Variants in CCSER2 observed in about 807,000 individuals in gnomAD.
CCSER2 encodes the protein serine-rich coiled-coil domain-containing protein 2.
In CCSER2, 46 loss-of-function variants were observed where a neutral mutation model predicts 92.3. The ratio of observed to expected loss-of-function variants is 0.50; its 90% CI spans 0.39 to 0.64. CCSER2 has a LOEUF of 0.64. CCSER2 is among the 30% of genes least tolerant of loss of function. CCSER2 has a pLI of 0.00. For synonymous variants in CCSER2, 433 were observed against 431.4 expected, an observed-to-expected ratio of 1.00 and a Z score of -0.04; for missense variants, 1,244 against 1,238.9, an observed-to-expected ratio of 1.00 and a Z score of -0.06.
chr10:84,333,805 T>C (rs773133008), intron 1 of CCSER2, among the ~76,000 whole-genome samples: 53 of 152,198 alleles, frequency 3.5e-4, no homozygotes, highest in Non-Finnish European at 6.6e-4. Flanking sequence ...TGGAAGACAT[T>C]GAGTGGGGTA....
chr10:84,500,963 T>C (rs1341554025), intron 9 of CCSER2, among the ~76,000 whole-genome samples: 2 of 152,256 alleles, frequency 1.3e-5, no homozygotes, highest in Non-Finnish European at 2.9e-5. Flanking sequence ...ATGAAGTTTA[T>C]TTTTTGGCTG....
chr10:84,503,464 T>C (rs1848878637), intron 9 of CCSER2, among the ~76,000 whole-genome samples: 1 of 152,200 alleles, frequency 6.6e-6, no homozygotes, highest in Non-Finnish European at 1.5e-5. Context: ...GGCATTGGTG[T>C]AGTCTTTCTA....
chr10:84,400,459 C>T (rs919352446), intron 3 of CCSER2, among the ~76,000 whole-genome samples: 4 of 152,158 alleles, frequency 2.6e-5, no homozygotes, highest in African/African-American at 9.7e-5. Context: ...ATGTGAGCCA[C>T]CGCACCCAGC....
At chr10:84,478,033 A>G (rs1414988052) in intron 9 of CCSER2, among the ~76,000 whole-genome samples, 1 of 152,164 alleles carries the variant, frequency 6.6e-6, no homozygotes, top group African/African-American at 2.4e-5. Context: ...AAAATATATG[A>G]TTTAGCATAT....
chr10:84,351,738 A>G (rs2133071064), intron 1 of CCSER2, among the ~76,000 whole-genome samples: 1 of 152,306 alleles, frequency 6.6e-6, no homozygotes, highest in Admixed American at 6.5e-5. Context: ...AATGCTTGGA[A>G]AAGTCATTCC....
intron 5 of CCSER2, among the ~76,000 whole-genome samples, chr10:84,426,428 A>G (rs1348946253): frequency 6.6e-6 from 1 of 152,196 alleles, no homozygotes; most frequent in Admixed American, 6.5e-5. Flanking sequence ...CAAACCTGGA[A>G]TCAAAACCTG....
intron 3 of CCSER2, chr10:84,390,797 A>C (rs1286963756): frequency 2.1e-6 from 1 of 485,708 alleles, no homozygotes; most frequent in Non-Finnish European, 3.8e-6. Context: ...CTATTAATAC[A>C]TGGATTATTT....
At position 84,516,670 on chromosome 10, in the gene CCSER2, T is replaced by C. The variant is rs927286711; in HGVS notation, c.*2403T>C. 1 of 152,198 alleles carries C rather than the reference T, an allele frequency of 6.6e-6. No individual in the cohort carries two copies. Among genetic ancestry groups the C allele is most frequent in the Non-Finnish European group, 1.5e-5 (1 of 68,038 alleles). 9.4% of individuals were successfully genotyped at this position (152,198 alleles called of 1,614,324 possible). On this transcript the variant is annotated 3_prime_UTR_variant, in exon 10 of 10. Coordinates refer to ENST00000372088, the MANE Select transcript of CCSER2 (RefSeq NM_001284240.2). ...TGAGGGAAATGTCTTTATTGTCCAT[T>C]ACATAAAAATGTTGACTCCAGTAAT...
chr10:84,511,765 G>T (rs761221788), intron 9 of CCSER2, among the ~76,000 whole-genome samples: 7 of 151,980 alleles, frequency 4.6e-5, no homozygotes, highest in Non-Finnish European at 7.4e-5. Context: ...ACTTTGGCAC[G>T]GTCATTTTTA....
At chr10:84,342,951 C>T (rs1844281515) in intron 1 of CCSER2, among the ~76,000 whole-genome samples, 1 of 152,150 alleles carries the variant, frequency 6.6e-6, no homozygotes, top group Admixed American at 6.6e-5. Context: ...CTGCTCACTG[C>T]AACCTCTGCC....
intron 9 of CCSER2, among the ~76,000 whole-genome samples, chr10:84,511,736 T>C (rs1042710095): frequency 9.2e-5 from 14 of 152,194 alleles, no homozygotes; most frequent in African/African-American, 2.9e-4. Flanking sequence ...TTTTCACTAA[T>C]CTTTCAAGGT....
intron 7 of CCSER2, among the ~76,000 whole-genome samples, chr10:84,467,554 C>T (rs1846522192): frequency 1.3e-5 from 2 of 152,062 alleles, no homozygotes; most frequent in Non-Finnish European, 1.5e-5. Context: ...CTGTTGAGCT[C>T]AGAAACCAAT....
At chr10:84,436,288 T>C (rs548939634) in intron 5 of CCSER2, among the ~76,000 whole-genome samples, 3 of 114,650 alleles carry the variant, frequency 2.6e-5, no homozygotes, top group East Asian at 2.9e-4. Flanking sequence ...ATCACGCCAC[T>C]GCACTCCAGC....
chr10:84,416,011 A>G (rs1434477671), intron 3 of CCSER2, among the ~76,000 whole-genome samples: 3 of 152,172 alleles, frequency 2.0e-5, no homozygotes, highest in Non-Finnish European at 4.4e-5. Flanking sequence ...AAACTCATGT[A>G]TCTCTGTGTG....
At chr10:84,430,379 C>G (rs1436415340) in intron 5 of CCSER2, among the ~76,000 whole-genome samples, 1 of 152,132 alleles carries the variant, frequency 6.6e-6, no homozygotes, top group Non-Finnish European at 1.5e-5. Context: ...CATTTCTTTC[C>G]TCAGGTTTTC....
At chr10:84,343,187 A>C (rs529938714) in intron 1 of CCSER2, among the ~76,000 whole-genome samples, 2 of 152,226 alleles carry the variant, frequency 1.3e-5, no homozygotes, top group East Asian at 3.9e-4. Context: ...GTTCATACCT[A>C]TTCTTTTCCA....
chr10:84,514,419 C>G lies in CCSER2; in HGVS notation c.*152C>G, dbSNP rs1849526229. The G allele has an allele frequency of 1.6e-6, 1 of 615,530 alleles. No individual in the cohort carries two copies. The highest frequency in any genetic ancestry group is 1.8e-5 in the African/African-American group (1 of 54,082). The allele number at this position is 615,530 out of a possible 1,614,324, so 38.1% of individuals were successfully genotyped here. A position where few individuals can be genotyped will look rare whatever the true frequency, so the allele number is the denominator to read the frequency against. On this transcript the variant is annotated 3_prime_UTR_variant, in exon 10 of 10. Coordinates refer to ENST00000372088, the MANE Select transcript of CCSER2 (RefSeq NM_001284240.2). ...TGTGGAAGCTTCTACTAGTTTGGCT[C>G]CTTCATTTTATATCCTGGTTGAAGT... is the stretch of plus-strand genomic sequence containing the variant.
chr10:84,380,474 A>C (rs1840836784), intron 3 of CCSER2, among the ~76,000 whole-genome samples: 1 of 152,018 alleles, frequency 6.6e-6, no homozygotes, highest in Admixed American at 6.6e-5. Flanking sequence ...TTGACAATTA[A>C]ATCTAGTAAT....
chr10:84,401,582 A>G (rs1842123210), intron 3 of CCSER2, among the ~76,000 whole-genome samples: 1 of 152,220 alleles, frequency 6.6e-6, no homozygotes, highest in South Asian at 2.1e-4. Context: ...ACATGGTTTC[A>G]CTGGCCAATT....
Sources: allele counts gnomAD v4.1 joint callset (sites outside exome capture counted in the v4.1 genomes callset), GRCh38; gene constraint gnomAD v4.1.1; transcripts MANE v1.5; gene names NCBI Gene and HGNC (gene_info 2026-07-23, HGNC 2026-07-21).